The following STT3B variants were observed in gnomAD, a reference collection of about 807,000 sequenced individuals.
The protein encoded by STT3B is dolichyl-diphosphooligosaccharide--protein glycosyltransferase subunit STT3B.
Under a neutral mutation model 96.8 loss-of-function variants are expected in STT3B, and 29 were observed. The observed-to-expected ratio is 0.30, with a 90% CI of 0.22 to 0.41. The LOEUF is 0.41. Ranked by LOEUF, STT3B falls within the 10% of genes least tolerant of loss-of-function variation. The pLI is 1.00. For missense variants in STT3B, 640 were observed against 1,022.3 expected (o/e 0.63, Z 5.10); for synonymous variants, 367 against 360.0 (o/e 1.02, Z -0.22).
chr3:31,597,003 TCACAGGTCCTGTA>T, intron 4 of STT3B, 140 bp downstream of exon 4: 3 of 648,904 alleles, frequency 4.6e-6, no homozygotes, highest in Non-Finnish European at 7.9e-6. Context: ...CTTCTCCTAC[TCACAGGTCCTGTA>T]TACACCTGCT....
At chr3:31,597,305 G>A (rs9868487) in intron 4 of STT3B, among the ~76,000 whole-genome samples, 86,673 of 151,654 alleles carry the variant, frequency 0.57, 27,640 homozygotes, top group Non-Finnish European at 0.72. Flanking sequence ...GATTACAGGC[G>A]CCCGCCACCA....
chr3:31,586,548 C>T (rs1223378377), intron 3 of STT3B, among the ~76,000 whole-genome samples: 1 of 152,024 alleles, frequency 6.6e-6, no homozygotes, highest in African/African-American at 2.4e-5. Flanking sequence ...GGTCTGTCAT[C>T]TATTTTAAGT....
chr3:31,559,177 GTGTGTGTGTGTGTT>G (rs1259285809), intron 1 of STT3B, among the ~76,000 whole-genome samples: 27 of 148,282 alleles, frequency 1.8e-4, no homozygotes, highest in South Asian at 1.5e-3. Context: ...GTGTGTGTGT[GTGTGTGTGTGTGTT>G]GTCTCTTTCA....
intron 1 of STT3B, among the ~76,000 whole-genome samples, chr3:31,562,702 T>TGGC (rs1194741077): frequency 1.3e-5 from 2 of 152,190 alleles, no homozygotes; most frequent in African/African-American, 2.4e-5. Flanking sequence ...AGCCCTCAAG[T>TGGC]GGCTGTAAGC....
At chr3:31,562,798 C>T (rs1477135176) in intron 1 of STT3B, among the ~76,000 whole-genome samples, 1 of 152,202 alleles carries the variant, frequency 6.6e-6, no homozygotes, top group African/African-American at 2.4e-5. Flanking sequence ...GTGGCCCTGG[C>T]AGCAGGATGC....
At chr3:31,603,781 T>G (rs1478524452) in intron 5 of STT3B, among the ~76,000 whole-genome samples, 1 of 152,194 alleles carries the variant, frequency 6.6e-6, no homozygotes, top group East Asian at 1.9e-4. Flanking sequence ...GGGGAATGAT[T>G]TTTTAATTGC....
intron 15 of STT3B, among the ~76,000 whole-genome samples, chr3:31,634,982 A>T (rs1364948691): frequency 6.6e-6 from 1 of 152,196 alleles, no homozygotes; most frequent in Non-Finnish European, 1.5e-5. Flanking sequence ...CTTAAGAAGG[A>T]TTGCATTTTG....
At chr3:31,589,131 A>AT (rs1206578694) in intron 3 of STT3B, among the ~76,000 whole-genome samples, 3 of 152,040 alleles carry the variant, frequency 2.0e-5, no homozygotes, top group Non-Finnish European at 4.4e-5. Context: ...GTAGTTTTCC[A>AT]TATAGGGATT....
rs75925001 is a variant in STT3B at position 31,571,800 on chromosome 3, G to T, written c.315-4596G>T. Among the ~76,000 whole-genome samples the T allele has an allele frequency of 0.019, 2,877 of 151,678 alleles. 293 individuals are homozygous for T. The East Asian group carries it at 0.32, about 17-fold the overall frequency. On this transcript the variant is annotated intron_variant, in intron 1 of 15. Coordinates refer to ENST00000295770, the MANE Select transcript of STT3B (RefSeq NM_178862.3). Reference sequence around the variant, plus strand: ...TTGAATTGCTAATGTTCCAACTGAGGTATCCTGGGAATTTGCATGAATGAA... The same window carrying T: ...TTGAATTGCTAATGTTCCAACTGAGTTATCCTGGGAATTTGCATGAATGAA...
chr3:31,620,916 G>A (rs1362994740), intron 9 of STT3B, among the ~76,000 whole-genome samples: 2 of 152,176 alleles, frequency 1.3e-5, no homozygotes, highest in African/African-American at 4.8e-5. Context: ...TAGGTTAATG[G>A]ATCCTGGATG....
chr3:31,550,162 A>C (rs996742271), intron 1 of STT3B, among the ~76,000 whole-genome samples: 1 of 152,236 alleles, frequency 6.6e-6, no homozygotes, highest in African/African-American at 2.4e-5. Flanking sequence ...CTGCCAGTTA[A>C]GGCAGAAATT....
chr3:31,544,741 T>G (rs1320468262), intron 1 of STT3B, among the ~76,000 whole-genome samples: 3 of 152,114 alleles, frequency 2.0e-5, no homozygotes, highest in Admixed American at 6.5e-5. Context: ...GATAGGCGGA[T>G]CATGAGGTCA....
chr3:31,544,862 A>G (rs1697362763), intron 1 of STT3B, among the ~76,000 whole-genome samples: 1 of 152,068 alleles, frequency 6.6e-6, no homozygotes, highest in Non-Finnish European at 1.5e-5. Flanking sequence ...GCTTAAACCC[A>G]GGAGGCAGAG....
intron 4 of STT3B, among the ~76,000 whole-genome samples, chr3:31,598,799 G>A (rs1332777249): frequency 6.6e-6 from 1 of 151,468 alleles, no homozygotes; most frequent in African/African-American, 2.4e-5. Flanking sequence ...AGGTTAACCT[G>A]TAAATTTACT....
intron 13 of STT3B, among the ~76,000 whole-genome samples, chr3:31,628,899 G>A (rs768569513): frequency 1.1e-4 from 17 of 152,100 alleles, no homozygotes; most frequent in Non-Finnish European, 1.9e-4. Context: ...CAGCCCAGTA[G>A]TTCAAGACCA....
At chr3:31,567,472 G>A (rs1698033295) in intron 1 of STT3B, among the ~76,000 whole-genome samples, 1 of 152,084 alleles carries the variant, frequency 6.6e-6, no homozygotes, top group South Asian at 2.1e-4. Flanking sequence ...TTTGGAATGT[G>A]GGACATGTTT....
At chr3:31,558,784 C>T (rs892147787) in intron 1 of STT3B, among the ~76,000 whole-genome samples, 8 of 151,480 alleles carry the variant, frequency 5.3e-5, no homozygotes, top group Non-Finnish European at 2.9e-5. Flanking sequence ...ACAGTGAAGC[C>T]ATCAATTCCT....
intron 5 of STT3B, among the ~76,000 whole-genome samples, chr3:31,613,135 G>T (rs1416001197): frequency 2.0e-5 from 3 of 152,014 alleles, no homozygotes; most frequent in Non-Finnish European, 4.4e-5. Context: ...ACTATAGAGG[G>T]GTAGTGGTTG....
chr3:31,582,011 T>C (rs1473960043), intron 3 of STT3B, among the ~76,000 whole-genome samples: 1 of 152,194 alleles, frequency 6.6e-6, no homozygotes, highest in Non-Finnish European at 1.5e-5. Context: ...CTTAAAATTC[T>C]TCTTGTTCCC....
Sources: gnomAD v4.1 joint callset for allele counts (sites outside exome capture counted in the v4.1 genomes callset) on GRCh38, gnomAD v4.1.1 for gene constraint, MANE v1.5 for transcripts, NCBI Gene and HGNC (gene_info 2026-07-23, HGNC 2026-07-21) for gene names.